Variants in C1orf87 observed in about 807,000 individuals in gnomAD.
The protein encoded by C1orf87 is uncharacterized protein C1orf87.
C1orf87 carries 58 observed loss-of-function variants against 60.5 expected under a neutral mutation model. That is an observed-to-expected ratio of 0.96 (90% CI 0.78 to 1.19). The LOEUF (loss-of-function observed/expected upper bound fraction) is 1.19, where lower values mean the gene tolerates loss of function less well. C1orf87 is among the 50% of genes most tolerant of loss of function. The pLI is 0.00. For synonymous variants in C1orf87, 236 were observed against 227.4 expected (o/e 1.04, Z -0.34); for missense variants, 673 against 638.6 (o/e 1.05, Z -0.58).
chr1:60,014,305 T>C (rs1224157455), intron 8 of C1orf87, among the ~76,000 whole-genome samples: 1 of 152,100 alleles, frequency 6.6e-6, no homozygotes, highest in African/African-American at 2.4e-5. Context: ...GTATTTTCTG[T>C]TTTCTGCACT....
At chr1:60,009,098 T>C (rs1002462658) in intron 9 of C1orf87, among the ~76,000 whole-genome samples, 14 of 152,108 alleles carry the variant, frequency 9.2e-5, no homozygotes, top group African/African-American at 3.4e-4. Flanking sequence ...TCTGAGCTTA[T>C]TTGGAAACAA....
At chr1:60,059,712 G>A (rs907869093) in intron 2 of C1orf87, among the ~76,000 whole-genome samples, 1 of 152,000 alleles carries the variant, frequency 6.6e-6, no homozygotes, top group Non-Finnish European at 1.5e-5. Flanking sequence ...AGGACCCAGG[G>A]GGCTCAGCAA....
intron 7 of C1orf87, among the ~76,000 whole-genome samples, chr1:60,029,454 AC>A (rs1421750742): frequency 6.6e-6 from 1 of 151,730 alleles, no homozygotes; most frequent in African/African-American, 2.4e-5. Flanking sequence ...ATTCCTTTGG[AC>A]CTTTAGTATA....
intron 7 of C1orf87, among the ~76,000 whole-genome samples, chr1:60,026,719 T>C (rs538900334): frequency 6.6e-6 from 1 of 152,338 alleles, no homozygotes; most frequent in African/African-American, 2.4e-5. Flanking sequence ...TAATAGCAAC[T>C]ACTAAAATTA....
rs944436607 is a variant in C1orf87 at position 60,040,144 on chromosome 1, C to A, written c.520G>T (p.Asp174Tyr). 2.5e-6 allele frequency: 4 copies of A among 1,613,894 alleles called. No homozygotes were observed. The highest frequency in any genetic ancestry group is 3.4e-6 in the Non-Finnish European group (4 of 1,179,964). The stretch of plus-strand genomic sequence containing the variant: ...CTGACCAGGGCAAGAAGAAAAGCGT[C>A]TTCATTTGTTGTCCCACTTGGGCTC... ...GQSPSGTTNE[D>Y]AFLLALVRRE... The change falls in exon 5 of 12, where the codon GAC becomes TAC. Residue 174 changes from aspartate (D) to tyrosine (Y), a missense_variant. Transcript: ENST00000371201.
At chr1:60,071,818 A>G (rs182294636) in intron 2 of C1orf87, among the ~76,000 whole-genome samples, 3 of 152,328 alleles carry the variant, frequency 2.0e-5, no homozygotes, top group Admixed American at 2.0e-4. Flanking sequence ...AGTTTCTGAA[A>G]TAGAAGATAG....
At chr1:60,024,782 C>A (rs1036298431) in intron 8 of C1orf87, among the ~76,000 whole-genome samples, 5 of 152,108 alleles carry the variant, frequency 3.3e-5, no homozygotes, top group African/African-American at 1.2e-4. Context: ...TGCTGCTTGC[C>A]GTTCGATGTC....
intron 7 of C1orf87, among the ~76,000 whole-genome samples, chr1:60,031,064 T>C (rs1645234567): frequency 6.6e-6 from 1 of 152,180 alleles, no homozygotes; most frequent in Non-Finnish European, 1.5e-5. Context: ...ATAGCTTTCA[T>C]AGTCTGTGAT....
intron 7 of C1orf87, among the ~76,000 whole-genome samples, chr1:60,027,391 T>C (rs2100278682): frequency 6.6e-6 from 1 of 152,234 alleles, no homozygotes; most frequent in Non-Finnish European, 1.5e-5. Flanking sequence ...CACAAAAAAA[T>C]CTCATGCCCA....
intron 5 of C1orf87, among the ~76,000 whole-genome samples, chr1:60,038,653 T>A (rs1160699853): frequency 6.6e-6 from 1 of 152,196 alleles, no homozygotes; most frequent in Non-Finnish European, 1.5e-5. Flanking sequence ...TCTCTCTTGT[T>A]CCTTCTCACA....
intron 10 of C1orf87, among the ~76,000 whole-genome samples, chr1:59,998,533 G>T (rs1190052694): frequency 6.6e-6 from 1 of 151,968 alleles, no homozygotes; most frequent in South Asian, 2.1e-4. Flanking sequence ...TGCAGTGAGT[G>T]GGCATCTATT....
chr1:60,000,077 A>AT (rs1044072377), intron 10 of C1orf87, among the ~76,000 whole-genome samples: 1 of 152,110 alleles, frequency 6.6e-6, no homozygotes, highest in African/African-American at 2.4e-5. Flanking sequence ...ATAGTTTTTA[A>AT]TGTATCCTTG....
At chr1:59,998,922 T>A (rs61803761) in intron 10 of C1orf87, among the ~76,000 whole-genome samples, 6,491 of 152,250 alleles carry the variant, frequency 0.043, 241 homozygotes, top group South Asian at 0.15. Context: ...AATATGCTTC[T>A]CTATTCTTCC....
intron 9 of C1orf87, among the ~76,000 whole-genome samples, chr1:60,004,421 T>G (rs1428709359): frequency 6.6e-6 from 1 of 152,036 alleles, no homozygotes. Flanking sequence ...AAACTAACAT[T>G]AATTATGATG....
At chr1:59,991,008 C>A (rs1216536370) in intron 11 of C1orf87, among the ~76,000 whole-genome samples, 175 bp from the exon 12 acceptor site, 2 of 152,258 alleles carry the variant, frequency 1.3e-5, no homozygotes, top group Admixed American at 1.3e-4. Context: ...TGTGGGTATG[C>A]ATCACAGATT....
intron 8 of C1orf87, among the ~76,000 whole-genome samples, chr1:60,019,907 A>G (rs1251441523): frequency 6.6e-6 from 1 of 152,156 alleles, no homozygotes; most frequent in East Asian, 1.9e-4. Context: ...TTACAAAGAG[A>G]TGGTCTAAAA....
chr1:60,010,026 T>G (rs79011925), intron 9 of C1orf87, among the ~76,000 whole-genome samples: 2 of 151,952 alleles, frequency 1.3e-5, no homozygotes, highest in African/African-American at 4.8e-5. Context: ...TTTTTTTTTT[T>G]TGTGGAGACA....
chr1:60,018,619 A>C (rs1645139889), intron 8 of C1orf87, among the ~76,000 whole-genome samples: 1 of 152,054 alleles, frequency 6.6e-6, no homozygotes, highest in African/African-American at 2.4e-5. Context: ...CCTTTTTGGT[A>C]GTCTTAATTT....
intron 4 of C1orf87, 128 bp from the exon 5 acceptor site, chr1:60,040,308 C>T: frequency 8.3e-7 from 1 of 1,198,344 alleles, no homozygotes; most frequent in Non-Finnish European, 1.2e-6. Context: ...TGGAGCAGGA[C>T]AAGTCTGTGG....
Sources: gnomAD v4.1 joint callset for allele counts (sites outside exome capture counted in the v4.1 genomes callset) on GRCh38, gnomAD v4.1.1 for gene constraint, MANE v1.5 for transcripts, NCBI Gene and HGNC (gene_info 2026-07-23, HGNC 2026-07-21) for gene names.